The following GRIK3 variants were observed in gnomAD, a reference collection of about 807,000 sequenced individuals.
The protein encoded by GRIK3 is glutamate receptor ionotropic, kainate 3.
Under a neutral mutation model 102.5 loss-of-function variants are expected in GRIK3, and 29 were observed. The observed-to-expected ratio is 0.28, with a 90% confidence interval of 0.21 to 0.39. The LOEUF is 0.39. Among genes scored for constraint, GRIK3 ranks in the 10% least tolerant of loss-of-function variants. GRIK3 has a pLI of 1.00. For missense variants in GRIK3, 908 were observed against 1,252.4 expected (o/e 0.73, Z 4.15); for synonymous variants, 511 against 504.9 (o/e 1.01, Z -0.16).
At chr1:36,939,320 C>T (rs888431760) in intron 1 of GRIK3, among the ~76,000 whole-genome samples, 1 of 152,216 alleles carries the variant, frequency 6.6e-6, no homozygotes, top group African/African-American at 2.4e-5. Context: ...GAAACTCTCT[C>T]AAACAAAGCA....
chr1:36,994,178 A>C (rs1312702583), intron 1 of GRIK3, among the ~76,000 whole-genome samples: 1 of 152,088 alleles, frequency 6.6e-6, no homozygotes, highest in African/African-American at 2.4e-5. Context: ...CCCCTTTTCC[A>C]TTCTCAGTTC....
Position 36,859,964 on chromosome 1 carries a change from T to C in GRIK3, c.840A>G (p.Thr280=). 2 of 1,613,182 alleles carry C rather than the reference T, an allele frequency of 1.2e-6. No homozygotes were observed. Among genetic ancestry groups the C allele is most frequent in the African/African-American group, 1.3e-5 (1 of 75,006 alleles). ...TGTCCACATTGAGAATCCGGAATCC[T>C]GTCAGGTTCACGCCTGAGTAGCGGT... ...EPYRYSGVNL[T]GFRILNVDNP... is the part of the protein sequence containing the mutation. Residue 280 remains threonine (T), a synonymous_variant, in exon 6 of 16, where the codon ACA becomes ACG. Transcript: ENST00000373091.
chr1:36,920,489 C>T (rs953888963), intron 1 of GRIK3, among the ~76,000 whole-genome samples: 5 of 152,128 alleles, frequency 3.3e-5, no homozygotes, highest in African/African-American at 9.7e-5. Flanking sequence ...CAGAAGCCAC[C>T]GTCTGCTGTT....
Position 36,896,780 on chromosome 1 carries a change from A to G in GRIK3, c.116-5684T>C, listed in dbSNP as rs146178514. On this transcript the variant is annotated intron_variant, in intron 1 of 15. Coordinates refer to ENST00000373091, the MANE Select transcript of GRIK3 (RefSeq NM_000831.4). The stretch of plus-strand genomic sequence containing the variant: ...TCTACAATAAACCTATTTTAACTAT[A>G]CAGGTGCACATAAAATAAAAGTAAA... 1.4e-4 allele frequency among the ~76,000 whole-genome samples: 21 copies of G among 152,288 alleles called. No homozygotes were observed. In the East Asian group the frequency reaches 4.0e-3, roughly 29 times the overall value.
chr1:36,873,672 C>A (rs480556), intron 3 of GRIK3, among the ~76,000 whole-genome samples: 2,005 of 146,110 alleles, frequency 0.014, 39 homozygotes, highest in African/African-American at 0.042. Context: ...CTTCAATTTT[C>A]CTTTGGGGAA....
chr1:36,813,983 G>T (rs1642592697), intron 13 of GRIK3, among the ~76,000 whole-genome samples: 1 of 152,196 alleles, frequency 6.6e-6, no homozygotes, highest in Non-Finnish European at 1.5e-5. Flanking sequence ...TATGCAGGGG[G>T]TGTGGAGTTG....
intron 1 of GRIK3, among the ~76,000 whole-genome samples, chr1:37,004,299 T>C (rs1218504524): frequency 6.6e-6 from 1 of 152,172 alleles, no homozygotes; most frequent in South Asian, 2.1e-4. Context: ...CCAGCCTATC[T>C]CACAGGAGGG....
chr1:36,978,813 G>A (rs1387419828), intron 1 of GRIK3, among the ~76,000 whole-genome samples: 1 of 152,196 alleles, frequency 6.6e-6, no homozygotes, highest in Non-Finnish European at 1.5e-5. Flanking sequence ...GCTTAGAACT[G>A]GCACGATGTC....
chr1:37,012,257 T>C lies in GRIK3; in HGVS notation c.115+21737A>G, dbSNP rs551289052. Among the ~76,000 whole-genome samples, 4 of 152,320 alleles carry C rather than the reference T, an allele frequency of 2.6e-5. 1 individual carries two copies. The South Asian group carries it at 6.2e-4, about 24-fold the overall frequency. ...TCAGCGATTTTGTAAAAAATAACCA[T>C]GTGTTGGATGCGAGAAGCACTTTGC... On this transcript the variant is annotated intron_variant, in intron 1 of 15. Transcript: ENST00000373091.
intron 1 of GRIK3, among the ~76,000 whole-genome samples, chr1:36,921,464 C>G (rs1641470123): frequency 6.6e-6 from 1 of 152,178 alleles, no homozygotes; most frequent in Non-Finnish European, 1.5e-5. Context: ...ACTGCTTAAC[C>G]TCTGAACGAT....
At chr1:37,027,731 C>CG (rs1477866713) in intron 1 of GRIK3, among the ~76,000 whole-genome samples, 1 of 152,222 alleles carries the variant, frequency 6.6e-6, no homozygotes, top group African/African-American at 2.4e-5. Flanking sequence ...TCTGACCATG[C>CG]CTGTCTCAAA....
At chr1:36,943,855 G>T (rs761252413) in intron 1 of GRIK3, among the ~76,000 whole-genome samples, 1 of 152,358 alleles carries the variant, frequency 6.6e-6, no homozygotes, top group Non-Finnish European at 1.5e-5. Context: ...ACCCATCTCT[G>T]CCCCGTGCTG....
intron 1 of GRIK3, among the ~76,000 whole-genome samples, chr1:36,998,034 T>C (rs1049134144): frequency 2.0e-5 from 3 of 152,292 alleles, no homozygotes; most frequent in Non-Finnish European, 2.9e-5. Context: ...GCCTGGCACA[T>C]AGCAGCAGGC....
intron 9 of GRIK3, among the ~76,000 whole-genome samples, chr1:36,842,546 C>G (rs1314683845): frequency 6.6e-6 from 1 of 152,212 alleles, no homozygotes; most frequent in Non-Finnish European, 1.5e-5. Flanking sequence ...GGATGCCGTT[C>G]TCTCTTTCCA....
At chr1:36,910,897 G>A (rs902837339) in intron 1 of GRIK3, among the ~76,000 whole-genome samples, 5 of 152,218 alleles carry the variant, frequency 3.3e-5, no homozygotes, top group African/African-American at 1.2e-4. Flanking sequence ...GGTGAGTGGG[G>A]GGGCATAACT....
chr1:36,802,083 A>ATCACTCTGTGCCCCTTTT, intron 15 of GRIK3, 38 bp from the exon 16 acceptor site: 1 of 1,473,220 alleles, frequency 6.8e-7, no homozygotes, highest in Non-Finnish European at 9.3e-7. Context: ...GAAAAGGGGC[A>ATCACTCTGTGCCCCTTTT]CAGAGTGATG....
intron 2 of GRIK3, among the ~76,000 whole-genome samples, chr1:36,890,688 C>T (rs1400853589): frequency 2.6e-5 from 4 of 152,120 alleles, no homozygotes; most frequent in African/African-American, 9.7e-5. Flanking sequence ...AGAAATGCAT[C>T]CATTGTGCAG....
chr1:36,864,888 G>T (rs1168569423), intron 5 of GRIK3, among the ~76,000 whole-genome samples: 1 of 151,346 alleles, frequency 6.6e-6, no homozygotes, highest in Non-Finnish European at 1.5e-5. Flanking sequence ...AAGACCCCAA[G>T]TGCTGTACAC....
At chr1:36,948,932 C>T (rs909258647) in intron 1 of GRIK3, among the ~76,000 whole-genome samples, 1 of 152,210 alleles carries the variant, frequency 6.6e-6, no homozygotes, top group Non-Finnish European at 1.5e-5. Context: ...CTAGAAGACG[C>T]TCAGGGACCA....
Sources: allele counts gnomAD v4.1 joint callset (sites outside exome capture counted in the v4.1 genomes callset), GRCh38; gene constraint gnomAD v4.1.1; transcripts MANE v1.5; gene names NCBI Gene and HGNC (gene_info 2026-07-23, HGNC 2026-07-21).